ADGRV1: variants seen among roughly 807,000 people sequenced by gnomAD.
The protein encoded by ADGRV1 is adhesion G protein-coupled receptor V1.
A neutral mutation model predicts 596.2 loss-of-function variants in ADGRV1; 359 were observed. The ratio of observed to expected loss-of-function variants is 0.60; its 90% CI spans 0.55 to 0.66. The LOEUF is 0.66. Among genes scored for constraint, ADGRV1 ranks in the 30% least tolerant of loss-of-function variants. ADGRV1 has a pLI of 0.00. For missense variants in ADGRV1, 7,274 were observed against 7,575.6 expected (o/e 0.96, Z 1.48); for synonymous variants, 2,681 against 2,679.2 (o/e 1.00, Z -0.02).
At chr5:90,731,301 C>T (rs1361000436) in intron 50 of ADGRV1, among the ~76,000 whole-genome samples, 1 of 152,052 alleles carries the variant, frequency 6.6e-6, no homozygotes, top group Non-Finnish European at 1.5e-5. Context: ...ACAACTGGAT[C>T]TTGGGAGAAC....
At chr5:90,782,949 C>G (rs547758733) in intron 65 of ADGRV1, among the ~76,000 whole-genome samples, 175 bp from the exon 66 acceptor site, 3 of 152,104 alleles carry the variant, frequency 2.0e-5, no homozygotes, top group Non-Finnish European at 4.4e-5. Context: ...CTATGTTCCT[C>G]CTAAAAAATG....
intron 21 of ADGRV1, among the ~76,000 whole-genome samples, chr5:90,668,338 A>G (rs1580669870): frequency 6.6e-6 from 1 of 152,204 alleles, no homozygotes; most frequent in Middle Eastern, 3.4e-3. Context: ...GCCCGTCGGA[A>G]AAGTGCAGTA....
chr5:90,879,704 T>G (rs959684272), intron 83 of ADGRV1, among the ~76,000 whole-genome samples: 1 of 152,174 alleles, frequency 6.6e-6, no homozygotes, highest in Admixed American at 6.5e-5. Flanking sequence ...CCCGACACTT[T>G]GGGAGGTCAA....
At chr5:90,830,283 G>A in intron 77 of ADGRV1, among the ~76,000 whole-genome samples, 1 of 152,122 alleles carries the variant, frequency 6.6e-6, no homozygotes, top group East Asian at 1.9e-4. Flanking sequence ...TAGAAATAAA[G>A]TCTATTCTAA....
chr5:90,647,815 G>A (rs1768016265), intron 17 of ADGRV1, 51 bp downstream of exon 17: 1 of 1,528,000 alleles, frequency 6.5e-7, no homozygotes. Flanking sequence ...GCTTTAATAA[G>A]ATGAAATTAA....
In ADGRV1 at chr5:91,061,498, A is replaced by G. The variant is rs565699362; in HGVS notation, c.18153-10949A>G. Among the ~76,000 whole-genome samples, 60 of 152,310 alleles carry G rather than the reference A, an allele frequency of 3.9e-4. 1 individual carries two copies. Among genetic ancestry groups the G allele is most frequent in the Middle Eastern group, 6.8e-3 (2 of 294 alleles). ...GGATGTGGGCAATTCTTCCTTATTA[A>G]CCAAGAGCTAATTATTTACAATATA... On this transcript the variant is annotated intron_variant, in intron 85 of 89. Coordinates refer to ENST00000405460, the MANE Select transcript of ADGRV1 (RefSeq NM_032119.4).
intron 29 of ADGRV1, among the ~76,000 whole-genome samples, chr5:90,689,332 C>CT (rs34756274): frequency 0.14 from 14,790 of 104,276 alleles, 1,918 homozygotes; most frequent in African/African-American, 0.34. Flanking sequence ...CCCCACCCAC[C>CT]TTTTTTTTTT....
At chr5:90,771,867 T>C (rs569370453) in intron 59 of ADGRV1, among the ~76,000 whole-genome samples, 1 of 152,300 alleles carries the variant, frequency 6.6e-6, no homozygotes, top group East Asian at 1.9e-4. Context: ...TTTTAGACAC[T>C]TTAATATACT....
chr5:91,129,569 C>A (rs1794041415), intron 87 of ADGRV1, among the ~76,000 whole-genome samples: 1 of 152,110 alleles, frequency 6.6e-6, no homozygotes, highest in Non-Finnish European at 1.5e-5. Context: ...TTCAAGTATT[C>A]ATGATGTATT....
intron 1 of ADGRV1, among the ~76,000 whole-genome samples, chr5:90,600,891 TA>T (rs1477424007): frequency 1.3e-5 from 2 of 151,366 alleles, no homozygotes; most frequent in East Asian, 1.9e-4. Context: ...AAACAAAAAT[TA>T]AAAAAAAGAT....
rs563411553 is a variant in ADGRV1, at chr5:90,662,745, A to G, written c.4752+4467A>G. 3.6e-3 allele frequency among the ~76,000 whole-genome samples: 551 copies of G among 152,030 alleles called. 3 individuals are homozygous for G. Among genetic ancestry groups the G allele is most frequent in the African/African-American group, 0.012 (518 of 41,464 alleles). On this transcript the variant is annotated intron_variant, in intron 21 of 89. Transcript: ENST00000405460. Reference sequence around the variant, plus strand: ...CATCTAGCATTAGGTATATCTCCCAATGCTATCCCTTCCCCCTCCCCCCAC... The same window carrying G: ...CATCTAGCATTAGGTATATCTCCCAGTGCTATCCCTTCCCCCTCCCCCCAC...
intron 85 of ADGRV1, 136 bp downstream of exon 85, chr5:90,985,658 T>A: frequency 1.7e-6 from 1 of 596,494 alleles, no homozygotes; most frequent in Non-Finnish European, 2.9e-6. Flanking sequence ...CTGCTTACTC[T>A]AATTACTCTT....
intron 28 of ADGRV1, 128 bp downstream of exon 28, chr5:90,684,323 C>A (rs1745329444): frequency 2.3e-6 from 2 of 864,080 alleles, no homozygotes; most frequent in Non-Finnish European, 3.4e-6. Context: ...TGTCCTCTTA[C>A]AACAGTTTAC....
chr5:90,584,818 T>C (rs1349342389), intron 1 of ADGRV1, among the ~76,000 whole-genome samples: 1 of 152,198 alleles, frequency 6.6e-6, no homozygotes, highest in Non-Finnish European at 1.5e-5. Flanking sequence ...TACTATATTT[T>C]ATTGTTCAAG....
rs16868864 is a variant in ADGRV1 at position 90,622,517 on chromosome 5, G to T, written c.454-80G>T. 0.072 allele frequency: 34,653 copies of T among 479,658 alleles called. 1,477 individuals carry two copies. The highest frequency in any genetic ancestry group is 0.12 in the South Asian group (1,391 of 11,790). The allele number at this position is 479,658 out of a possible 1,614,324, so 29.7% of individuals were successfully genotyped here. A position where few individuals can be genotyped will look rare whatever the true frequency, so the allele number is the denominator to read the frequency against. On this transcript the variant is annotated intron_variant, in intron 4 of 89. Transcript: ENST00000405460. ...ATTGATGTGTCTGTGGAAATTGAGC[G>T]TTTCTGAGGTAATAGTTTTTACCGC...
At chr5:90,890,086 C>T (rs192109779) in intron 83 of ADGRV1, among the ~76,000 whole-genome samples, 56 of 152,186 alleles carry the variant, frequency 3.7e-4, no homozygotes, top group African/African-American at 1.2e-3. Context: ...AAAAAGGAAT[C>T]CCTTTCTTTG....
intron 31 of ADGRV1, among the ~76,000 whole-genome samples, chr5:90,692,017 C>T (rs1323292696): frequency 6.6e-6 from 1 of 151,992 alleles, no homozygotes; most frequent in Non-Finnish European, 1.5e-5. Context: ...AGCATTTATT[C>T]TTTAATAGTA....
intron 75 of ADGRV1, among the ~76,000 whole-genome samples, chr5:90,817,256 GTTGT>G (rs1485713218): frequency 6.7e-6 from 1 of 150,282 alleles, no homozygotes; most frequent in Non-Finnish European, 1.5e-5. Context: ...TTTTGATGGG[GTTGT>G]TTGTTTTTTT....
In ADGRV1 at chr5:90,776,691, T is replaced by C. The variant is rs150527215; in HGVS notation, c.12527+115T>C. 6.2e-5 allele frequency: 71 copies of C among 1,142,972 alleles called. No individual in the cohort carries two copies. In the East Asian group the frequency reaches 1.4e-3, roughly 23 times the overall value. The allele number at this position is 1,142,972 out of a possible 1,614,324, so 70.8% of individuals were successfully genotyped here. A position where few individuals can be genotyped will look rare whatever the true frequency, so the allele number is the denominator to read the frequency against. Reference sequence around the variant, plus strand: ...ACATAGTCTTCAAGCATTAACATTCTATATACTGTTAACATCCTGTGGAGA... The same window carrying C: ...ACATAGTCTTCAAGCATTAACATTCCATATACTGTTAACATCCTGTGGAGA... On this transcript the variant is annotated intron_variant, in intron 61 of 89. Coordinates refer to ENST00000405460, the MANE Select transcript of ADGRV1 (RefSeq NM_032119.4).
Sources: allele counts gnomAD v4.1 joint callset (sites outside exome capture counted in the v4.1 genomes callset), GRCh38; gene constraint gnomAD v4.1.1; transcripts MANE v1.5; gene names NCBI Gene and HGNC (gene_info 2026-07-23, HGNC 2026-07-21).